Variants in TBCEL observed in about 807,000 individuals in gnomAD.
The protein encoded by TBCEL is tubulin-specific chaperone cofactor E-like protein.
Under a neutral mutation model 44.2 loss-of-function variants are expected in TBCEL, and 15 were observed. The observed-to-expected ratio is 0.34, with a 90% CI of 0.23 to 0.52. The LOEUF is 0.52. TBCEL is among the 20% of genes least tolerant of loss of function. The pLI is 0.95. For synonymous variants in TBCEL, 171 were observed against 185.4 expected (o/e 0.92, Z 0.63); for missense variants, 319 against 506.3 (o/e 0.63, Z 3.55).
intron 1 of TBCEL, among the ~76,000 whole-genome samples, chr11:121,034,807 CT>C (rs1945202732): frequency 6.6e-6 from 1 of 152,092 alleles, no homozygotes; most frequent in Non-Finnish European, 1.5e-5. Flanking sequence ...GTATTTCAGG[CT>C]GGATTAACAT....
At chr11:121,059,902 A>C in intron 7 of TBCEL, 67 bp from the exon 8 acceptor site, 2 of 1,107,748 alleles carry the variant, frequency 1.8e-6, no homozygotes, top group South Asian at 1.4e-5. Flanking sequence ...CAAGCCAATT[A>C]GTTTCTTTCT....
rs1430619780 is a variant in TBCEL, at chr11:121,088,915, CA to C, written c.*1823del. The C allele has an allele frequency of 6.6e-6, 1 of 152,138 alleles. No homozygotes were observed. Among genetic ancestry groups the C allele is most frequent in the African/African-American group, 2.4e-5 (1 of 41,436 alleles). The allele number at this position is 152,138 out of a possible 1,614,324, so 9.4% of individuals were successfully genotyped here. On this transcript the variant is annotated 3_prime_UTR_variant, in exon 9 of 9. Coordinates refer to ENST00000683345, the MANE Select transcript of TBCEL (RefSeq NM_001363644.2). Reference sequence around the variant, plus strand: ...TCCTTCTGCTGCAGACTTTATCTTTCAAAATCATAAAAATGAGCAATGGAGA... The same window carrying C: ...TCCTTCTGCTGCAGACTTTATCTTTCAAATCATAAAAATGAGCAATGGAGA...
chr11:121,030,771 C>G (rs771367369), intron 1 of TBCEL, among the ~76,000 whole-genome samples: 7 of 151,926 alleles, frequency 4.6e-5, no homozygotes, highest in South Asian at 2.1e-4. Flanking sequence ...CTTTTCTTTA[C>G]AGTTTTTGCC....
At chr11:121,077,636 A>G (rs1946056254) in intron 8 of TBCEL, among the ~76,000 whole-genome samples, 2 of 151,066 alleles carry the variant, frequency 1.3e-5, no homozygotes, top group Admixed American at 1.3e-4. Context: ...TCATATCTTT[A>G]TTTCTTCCTT....
At chr11:121,077,337 G>T (rs1946051058) in intron 8 of TBCEL, among the ~76,000 whole-genome samples, 1 of 151,976 alleles carries the variant, frequency 6.6e-6, no homozygotes, top group Non-Finnish European at 1.5e-5. Context: ...CAAGTTATCT[G>T]TTTCTTCTTG....
intron 8 of TBCEL, among the ~76,000 whole-genome samples, chr11:121,077,976 C>T (rs921918050): frequency 2.6e-5 from 4 of 151,860 alleles, no homozygotes; most frequent in Non-Finnish European, 4.4e-5. Flanking sequence ...AGTTAGAGAA[C>T]GTACGTTTTA....
chr11:121,071,694 A>G (rs1334535145), intron 8 of TBCEL, among the ~76,000 whole-genome samples: 1 of 152,196 alleles, frequency 6.6e-6, no homozygotes, highest in East Asian at 1.9e-4. Context: ...TTTTTAAAAT[A>G]TGGAGAGTAT....
intron 8 of TBCEL, among the ~76,000 whole-genome samples, chr11:121,084,520 T>C (rs1333598721): frequency 6.6e-6 from 1 of 152,176 alleles, no homozygotes; most frequent in Non-Finnish European, 1.5e-5. Flanking sequence ...TGATATGCGC[T>C]CAGTTGCCAT....
chr11:121,045,330 T>TTTTCA (rs1201720264), intron 2 of TBCEL, among the ~76,000 whole-genome samples: 1 of 152,130 alleles, frequency 6.6e-6, no homozygotes, highest in African/African-American at 2.4e-5. Flanking sequence ...TGTACCTTCT[T>TTTTCA]TTTCAGACCT....
At chr11:121,045,927 A>G (rs967166697) in intron 3 of TBCEL, 104 bp downstream of exon 3, 1 of 1,215,880 alleles carries the variant, frequency 8.2e-7, no homozygotes, top group African/African-American at 1.5e-5. Context: ...TTTTAATTAC[A>G]GTCAAATAGT....
intron 8 of TBCEL, among the ~76,000 whole-genome samples, chr11:121,075,799 G>A (rs1342062195): frequency 6.6e-6 from 1 of 151,956 alleles, no homozygotes; most frequent in Non-Finnish European, 1.5e-5. Context: ...ACATCATAAA[G>A]TGTACTTACA....
At chr11:121,085,538 G>T (rs1284936624) in intron 8 of TBCEL, among the ~76,000 whole-genome samples, 1 of 152,214 alleles carries the variant, frequency 6.6e-6, no homozygotes, top group African/African-American at 2.4e-5. Flanking sequence ...AAAAGACAGT[G>T]AGTTGCCAAG....
chr11:121,061,407 G>T (rs770638533), intron 8 of TBCEL, among the ~76,000 whole-genome samples: 1 of 151,576 alleles, frequency 6.6e-6, no homozygotes, highest in Non-Finnish European at 1.5e-5. Flanking sequence ...ATATATACAT[G>T]TACATACATA....
At position 121,055,136 on chromosome 11, in the gene TBCEL, T is replaced by C; in HGVS notation, c.540T>C (p.His180=). The part of the protein sequence containing the change: ...SICCHSLKLL[H]ITDNNLQDWT... ...GCTGTCATTCTCTTAAGCTACTACA[T>C]ATAACAGACAATAACCTCCAAGACT... Residue 180 remains histidine, a synonymous_variant, in exon 6 of 9, where the codon CAT becomes CAC. Transcript: ENST00000683345. 1.2e-6 allele frequency: 2 copies of C among 1,611,774 alleles called. No homozygotes were observed. Among genetic ancestry groups the C allele is most frequent in the South Asian group, 2.2e-5 (2 of 90,802 alleles).
chr11:121,041,365 A>G (rs1945329726), intron 2 of TBCEL, among the ~76,000 whole-genome samples: 2 of 152,128 alleles, frequency 1.3e-5, no homozygotes, highest in Non-Finnish European at 1.5e-5. Flanking sequence ...TCCAACTCAT[A>G]TATTATTCTG....
Position 121,090,315 on chromosome 11 carries a change from G to A in TBCEL, c.*3219G>A, listed in dbSNP as rs1946272256. 6.6e-6 allele frequency: 1 copy of A among 152,138 alleles called. No individual in the cohort carries two copies. Among genetic ancestry groups the A allele is most frequent in the Non-Finnish European group, 1.5e-5 (1 of 68,024 alleles). The allele number at this position is 152,138 out of a possible 1,614,324, so 9.4% of individuals were successfully genotyped here. On this transcript the variant is annotated 3_prime_UTR_variant, in exon 9 of 9. Coordinates refer to ENST00000683345, the MANE Select transcript of TBCEL (RefSeq NM_001363644.2). The stretch of plus-strand genomic sequence containing the variant: ...TTGCACTAAGAGCTGATCACCATTT[G>A]AGATACGCGGCTTAACGCACATGTG...
At chr11:121,076,365 T>C (rs1946033477) in intron 8 of TBCEL, among the ~76,000 whole-genome samples, 1 of 152,024 alleles carries the variant, frequency 6.6e-6, no homozygotes, top group Non-Finnish European at 1.5e-5. Flanking sequence ...TGGTGTTGTG[T>C]ATTTTCCACA....
At chr11:121,051,253 A>G (rs17245796) in intron 4 of TBCEL, among the ~76,000 whole-genome samples, 9,740 of 151,834 alleles carry the variant, frequency 0.064, 379 homozygotes, top group Middle Eastern at 0.16. Context: ...TACATCATAT[A>G]TCTGCTAGCC....
intron 2 of TBCEL, among the ~76,000 whole-genome samples, chr11:121,040,224 A>G (rs564788732): frequency 2.1e-4 from 32 of 152,164 alleles, no homozygotes; most frequent in Non-Finnish European, 3.8e-4. Flanking sequence ...TAGCCATCTT[A>G]AGGCATCACA....
Sources: gnomAD v4.1 joint callset for allele counts (sites outside exome capture counted in the v4.1 genomes callset) on GRCh38, gnomAD v4.1.1 for gene constraint, MANE v1.5 for transcripts, NCBI Gene and HGNC (gene_info 2026-07-23, HGNC 2026-07-21) for gene names.